Variants in KRT10 observed in about 807,000 individuals in gnomAD.
The protein encoded by KRT10 is keratin, type I cytoskeletal 10.
KRT10 carries 40 observed loss-of-function variants against 59.2 expected under a neutral mutation model. That is an observed-to-expected ratio of 0.68 (90% CI 0.52 to 0.88). The LOEUF (loss-of-function observed/expected upper bound fraction) is 0.88. Ranked by LOEUF, KRT10 falls within the 40% of genes least tolerant of loss-of-function variation. The probability of loss-of-function intolerance (pLI) is 0.00; values close to 1 mark genes in which losing one functional copy is unlikely to be tolerated. For synonymous variants in KRT10, 336 were observed against 310.7 expected (o/e 1.08, Z -0.86); for missense variants, 719 against 749.1 (o/e 0.96, Z 0.47).
At position 40,818,958 on chromosome 17, in the gene KRT10, G is replaced by T; in HGVS notation, c.1577C>A (p.Ser526Tyr). 7.6e-7 allele frequency: 1 copy of T among 1,314,524 alleles called. No homozygotes were observed. The allele number at this position is 1,314,524 out of a possible 1,614,324, so 81.4% of individuals were successfully genotyped here. A position where few individuals can be genotyped will look rare whatever the true frequency, so the allele number is the denominator to read the frequency against. The stretch of plus-strand genomic sequence containing the variant: ...ACTGCCACCACCGTAGCCGCCGCTG[G>T]AACTGCCGCCGTGGCCGCCGCTGGA... ...GSSSGGHGGS[S>Y]SGGYGGGSSG... is the part of the protein sequence containing the mutation. The change falls in exon 7 of 8, where the codon TCC (serine) becomes TAC (tyrosine). Residue 526 changes from serine (S) to tyrosine (Y), a missense_variant. Ser to Tyr is a moderately radical substitution (Grantham distance 144, BLOSUM62 -2). This residue lies in a region of KRT10 where 315 missense variants were observed against 270.6 expected (regional missense o/e 1.16). Coordinates refer to ENST00000269576, the MANE Select transcript of KRT10 (RefSeq NM_000421.5).
At chr17:40,819,324 C>G in intron 6 of KRT10, 163 bp from the exon 7 acceptor site, 1 of 1,449,696 alleles carries the variant, frequency 6.9e-7, no homozygotes, top group Non-Finnish European at 9.3e-7. Flanking sequence ...GTTAAGTTCA[C>G]AGAACTCTTA....
rs1327161585 is a variant in KRT10 at position 40,819,313 on chromosome 17, TGTTAA to T, written c.1374-157_1374-153del. Reference sequence around the variant, plus strand: ...TTTAAAACCCATCCTTTGAAAACAATGTTAAGTTCACAGAACTCTTAAGAATCATT... The same window carrying T: ...TTTAAAACCCATCCTTTGAAAACAATGTTCACAGAACTCTTAAGAATCATT... On this transcript the variant is annotated intron_variant, in intron 6 of 7. Coordinates refer to ENST00000269576, the MANE Select transcript of KRT10 (RefSeq NM_000421.5). 1.5e-4 allele frequency: 226 copies of T among 1,473,850 alleles called. 1 individual carries two copies. The South Asian group carries it at 1.7e-3, about 11-fold the overall frequency. 91.3% of individuals were successfully genotyped at this position (1,473,850 alleles called of 1,614,324 possible). A position where few individuals can be genotyped will look rare whatever the true frequency, so the allele number is the denominator to read the frequency against.
In KRT10 at chr17:40,820,366, C is replaced by A; in HGVS notation, c.925G>T (p.Ala309Ser). Residue 309 changes from alanine to serine, a missense_variant, in exon 4 of 8, where the codon GCC (alanine) becomes TCC (serine). This residue lies in a region of KRT10 where 221 missense variants were observed against 277.8 expected (regional missense o/e 0.80). Coordinates refer to ENST00000269576, the MANE Select transcript of KRT10 (RefSeq NM_000421.5). ...TGDVNVEMNA[A>S]PGVDLTQLLN... ...AGTTGAGTCAGATCAACACCCGGGG[C>A]AGCATTCATTTCCACATTCACATCA... 6.2e-7 allele frequency: 1 copy of A among 1,614,186 alleles called. No homozygotes were observed. The highest frequency in any genetic ancestry group is 1.3e-5 in the African/African-American group (1 of 75,040).
At chr17:40,820,223 A>G in intron 4 of KRT10, 39 bp downstream of exon 4, 1 of 1,614,192 alleles carries the variant, frequency 6.2e-7, no homozygotes, top group Non-Finnish European at 8.5e-7. Context: ...TGAAATGATA[A>G]AACCTCCATG....
At chr17:40,819,296 C>T in intron 6 of KRT10, 135 bp from the exon 7 acceptor site, 5 of 1,507,864 alleles carry the variant, frequency 3.3e-6, no homozygotes, top group East Asian at 4.6e-5. Flanking sequence ...ATTTTAAAAC[C>T]CATCCTTTGA....
chr17:40,818,716 G>C, intron 7 of KRT10, 71 bp downstream of exon 7: 3 of 1,597,622 alleles, frequency 1.9e-6, no homozygotes, highest in Non-Finnish European at 1.7e-6. Flanking sequence ...CAACTCTAGA[G>C]CTTAAAGCGC....
chr17:40,818,535 A>G, intron 7 of KRT10, 53 bp from the exon 8 acceptor site: 1 of 1,303,814 alleles, frequency 7.7e-7, no homozygotes, highest in Non-Finnish European at 1.1e-6. Flanking sequence ...ATCCTTAGTA[A>G]TTAACAAGCA....
chr17:40,820,093 T>C lies in KRT10; in HGVS notation c.1111A>G (p.Asn371Asp). 1 of 1,613,610 alleles carries C rather than the reference T, an allele frequency of 6.2e-7. No individual in the cohort carries two copies. Among genetic ancestry groups the C allele is most frequent in the Non-Finnish European group, 8.5e-7 (1 of 1,179,910 alleles). ...AGTTCTATCTCCAGAGCTTGTACAT[T>C]ACGTCTCAATTCAGTAATCTCAGAT... The part of the protein sequence containing the change: ...YKSEITELRR[N>D]VQALEIELQS... Residue 371 changes from asparagine (N) to aspartate (D), a missense_variant, in exon 5 of 8, where the codon AAT becomes GAT. Asn to Asp is a conservative substitution (Grantham distance 23, BLOSUM62 1). Transcript: ENST00000269576.
At chr17:40,818,576 T>G in intron 7 of KRT10, 94 bp from the exon 8 acceptor site, 1 of 1,253,568 alleles carries the variant, frequency 8.0e-7, no homozygotes, top group Non-Finnish European at 1.2e-6. Flanking sequence ...ATTTCAACTT[T>G]ACATTGTTAA....
chr17:40,818,514 A>G (rs778622499), intron 7 of KRT10, 32 bp from the exon 8 acceptor site: 2 of 1,403,424 alleles, frequency 1.4e-6, no homozygotes, highest in East Asian at 2.3e-5. Flanking sequence ...AATTTTAAAC[A>G]GTCTGTAGGG....
chr17:40,821,850 A>G lies in KRT10; in HGVS notation c.627+109T>C, dbSNP rs940341681. On this transcript the variant is annotated intron_variant, in intron 1 of 7. Transcript: ENST00000269576. ...GACTGGGTTATTTTTGAAGGAAGAA[A>G]GTAACATGGGTAAGCATAGTGAACA... 2.9e-5 allele frequency: 34 copies of G among 1,174,508 alleles called. No individual in the cohort carries two copies. In the African/African-American group the frequency reaches 4.1e-4, roughly 14 times the overall value. 72.8% of individuals were successfully genotyped at this position (1,174,508 alleles called of 1,614,324 possible). A position where few individuals can be genotyped will look rare whatever the true frequency, so the allele number is the denominator to read the frequency against.
rs777440085 is a variant in KRT10 at position 40,818,488 on chromosome 17, T to C, written c.1749-6A>G. On this transcript the variant is annotated splice_region_variant and splice_polypyrimidine_tract_variant and intron_variant, in intron 7 of 7. Coordinates refer to ENST00000269576, the MANE Select transcript of KRT10 (RefSeq NM_000421.5). ...TACTCTGGTTTTGTTAGTATCTGTG[T>C]GAATGATGGAAAAAAAATTTTAAAC... 11 of 1,589,210 alleles carry C rather than the reference T, an allele frequency of 6.9e-6. No homozygotes were observed.
intron 7 of KRT10, 123 bp from the exon 8 acceptor site, chr17:40,818,605 G>C: frequency 7.9e-7 from 1 of 1,266,958 alleles, no homozygotes; most frequent in South Asian, 1.3e-5. Context: ...AAATGCTTAA[G>C]GTATGACATT....
At chr17:40,819,828 A>G in intron 5 of KRT10, 94 bp from the exon 6 acceptor site, 1 of 1,223,750 alleles carries the variant, frequency 8.2e-7, no homozygotes, top group Non-Finnish European at 1.2e-6. Context: ...ATATAGAAGA[A>G]TAAGAAAATG....
At chr17:40,818,641 G>A (rs1905157330) in intron 7 of KRT10, 146 bp downstream of exon 7, 2 of 1,381,040 alleles carry the variant, frequency 1.4e-6, no homozygotes, top group South Asian at 1.2e-5. Context: ...TTCACGGCTG[G>A]TGTTAAGAGT....
Position 40,818,800 on chromosome 17 carries a change from A to G in KRT10, c.1735T>C (p.Ser579Pro), listed in dbSNP as rs774891561. 4 of 1,564,690 alleles carry G rather than the reference A, an allele frequency of 2.6e-6. No homozygotes were observed. The Admixed American group carries it at 6.8e-5, about 27-fold the overall frequency. Reference sequence around the variant, plus strand: ...GTTTCTGCTGACCTTGGTCCCTTAGATGAAGACTCGCCCACGGACCCGGAA... The same window carrying G: ...GTTTCTGCTGACCTTGGTCCCTTAGGTGAAGACTCGCCCACGGACCCGGAA... ...SSSGSVGESS[S>P]KGPRY The change falls in exon 7 of 8, where the codon TCT becomes CCT. Residue 579 changes from serine (S) to proline (P), a missense_variant. Coordinates refer to ENST00000269576, the MANE Select transcript of KRT10 (RefSeq NM_000421.5).
chr17:40,821,087 T>C lies in KRT10; in HGVS notation c.658A>G (p.Ile220Val), dbSNP rs1905355356. 4 of 1,613,944 alleles carry C rather than the reference T, an allele frequency of 2.5e-6. No homozygotes were observed. The African/African-American group carries it at 4.0e-5, about 16-fold the overall frequency. The change falls in exon 2 of 8, where the codon ATC becomes GTC. Residue 220 changes from isoleucine to valine, a missense_variant. Around this residue, in one of 4 missense-constraint regions of KRT10, gnomAD observed 221 missense variants for 277.8 expected, o/e 0.80. Coordinates refer to ENST00000269576, the MANE Select transcript of KRT10 (RefSeq NM_000421.5). ...ILNLTTDNAN[I>V]LLQIDNARLA... ...CTGGCATTGTCGATCTGAAGCAGGA[T>C]GTTGGCATTATCAGTTGTTAGGTTG...
rs1391641797 is a variant in KRT10, at chr17:40,818,142, T to C, written c.*334A>G. The C allele has an allele frequency of 1.9e-5, 6 of 311,862 alleles. No individual in the cohort carries two copies. 19.3% of individuals were successfully genotyped at this position (311,862 alleles called of 1,614,324 possible). On this transcript the variant is annotated 3_prime_UTR_variant, in exon 8 of 8. Coordinates refer to ENST00000269576, the MANE Select transcript of KRT10 (RefSeq NM_000421.5). Reference sequence around the variant, plus strand: ...TAGTTTGCATCAGTAAGAAAGTTTATTGAAATTCATTAGTAAATGAGAACA... The same window carrying C: ...TAGTTTGCATCAGTAAGAAAGTTTACTGAAATTCATTAGTAAATGAGAACA...
chr17:40,822,496 T>G lies in KRT10; in HGVS notation c.90A>C (p.Gly30=), dbSNP rs1905484898. 6.2e-6 allele frequency: 10 copies of G among 1,604,936 alleles called. No homozygotes were observed. The highest frequency in any genetic ancestry group is 1.3e-5 in the African/African-American group (1 of 74,544). Residue 30 remains glycine, a synonymous_variant, in exon 1 of 8, where the codon GGA becomes GGC. Transcript: ENST00000269576. ...TGCTAGAAATTCTTAGGGATGACAC[T>G]CCTCCTCCTCCTCCACATCCTCCTC... ...GGGGGCGGGG[G]VSSLRISSSK...
Sources: gnomAD v4.1 joint callset for allele counts on GRCh38, gnomAD v4.1.1 for gene constraint, gnomAD v4.1.1 regional missense constraint, MANE v1.5 for transcripts, NCBI Gene and HGNC (gene_info 2026-07-23, HGNC 2026-07-21) for gene names.